The following SLC14A2 variants were observed in gnomAD, a reference collection of about 807,000 sequenced individuals.
SLC14A2 encodes the protein solute carrier family 14 member 2.
Under a neutral mutation model 104.6 loss-of-function variants are expected in SLC14A2, and 91 were observed. That is an observed-to-expected ratio of 0.87 (90% confidence interval 0.73 to 1.04). SLC14A2 has a LOEUF of 1.04. Among genes scored for constraint, SLC14A2 ranks in the 50% least tolerant of loss-of-function variants. The pLI, the probability that SLC14A2 is intolerant of heterozygous loss-of-function variation, is 0.00. For missense variants in SLC14A2, 1,189 were observed against 1,156.0 expected, an observed-to-expected ratio of 1.03 and a Z score of -0.41; for synonymous variants, 476 against 466.4, an observed-to-expected ratio of 1.02 and a Z score of -0.27.
chr18:45,284,536 C>G lies in SLC14A2; in HGVS notation c.-125+71345C>G, dbSNP rs1027158060. 2.0e-5 allele frequency among the ~76,000 whole-genome samples: 3 copies of G among 151,620 alleles called. 1 individual carries two copies. The highest frequency in any genetic ancestry group is 4.4e-5 in the Non-Finnish European group (3 of 68,022). The stretch of plus-strand genomic sequence containing the variant: ...TAAAGTGGCTGCTAGACCCTGGGCT[C>G]TAGTAGCTCTACCTCCTCCATTCAT... On this transcript the variant is annotated intron_variant, in intron 1 of 20. Transcript: ENST00000586448.
At chr18:45,232,207 T>A (rs1272458027) in intron 1 of SLC14A2, among the ~76,000 whole-genome samples, 2 of 152,132 alleles carry the variant, frequency 1.3e-5, no homozygotes, top group Non-Finnish European at 2.9e-5. Context: ...ACAGGAAGCA[T>A]GGCTGTGAGG....
At chr18:45,338,833 C>A (rs1364031127) in intron 1 of SLC14A2, among the ~76,000 whole-genome samples, 1 of 151,740 alleles carries the variant, frequency 6.6e-6, no homozygotes, top group Admixed American at 6.6e-5. Flanking sequence ...TGGCACAGTT[C>A]TGGTGACCTA....
At chr18:45,458,816 A>G (rs2144633655) in intron 1 of SLC14A2, among the ~76,000 whole-genome samples, 1 of 152,324 alleles carries the variant, frequency 6.6e-6, no homozygotes, top group East Asian at 1.9e-4. Context: ...GGGTAGAGTC[A>G]CATGTCAACA....
At chr18:45,478,961 A>G (rs1598886684) in intron 1 of SLC14A2, among the ~76,000 whole-genome samples, 1 of 152,322 alleles carries the variant, frequency 6.6e-6, no homozygotes, top group East Asian at 1.9e-4. Flanking sequence ...ACCTTAGACC[A>G]GTTGACCCCC....
chr18:45,194,592 G>A, the SLC14A2 span, among the ~76,000 whole-genome samples: 2 of 150,792 alleles, frequency 1.3e-5, no homozygotes, highest in East Asian at 1.9e-4. Context: ...GATCTAATTT[G>A]GCAAATTTGT....
chr18:45,268,964 T>TTGTGTGTGTGTGTGTG (rs3050837), intron 1 of SLC14A2, among the ~76,000 whole-genome samples: 12,290 of 143,394 alleles, frequency 0.086, 609 homozygotes, highest in Non-Finnish European at 0.11. Context: ...GTTGGTGTGT[T>TTGTGTGTGTGTGTGTG]TGTGTGTGTG....
Position 45,533,884 on chromosome 18 carries a change from T to C in SLC14A2, c.-35+50562T>C, listed in dbSNP as rs572401637. Among the ~76,000 whole-genome samples the C allele has an allele frequency of 1.6e-4, 24 of 152,348 alleles. No individual in the cohort carries two copies. In the South Asian group the frequency reaches 4.3e-3, roughly 28 times the overall value. ...CACTGCTTTGAATGTGTCCCAGAGA[T>C]TCTGGTATCACCTTTTCTAATGACT... On this transcript the variant is annotated intron_variant, in intron 2 of 20. Transcript: ENST00000586448.
At chr18:45,425,353 G>T (rs1449734301) in intron 1 of SLC14A2, among the ~76,000 whole-genome samples, 1 of 152,186 alleles carries the variant, frequency 6.6e-6, no homozygotes, top group Non-Finnish European at 1.5e-5. Context: ...CCAGTCCCAG[G>T]CTTTGGTTTT....
intron 1 of SLC14A2, among the ~76,000 whole-genome samples, chr18:45,417,345 T>C (rs1451530046): frequency 6.6e-6 from 1 of 152,214 alleles, no homozygotes; most frequent in African/African-American, 2.4e-5. Flanking sequence ...TATTTGTCCA[T>C]TCTCACGCTG....
At chr18:45,268,077 A>G (rs1179862245) in intron 1 of SLC14A2, among the ~76,000 whole-genome samples, 2 of 152,266 alleles carry the variant, frequency 1.3e-5, no homozygotes, top group South Asian at 2.1e-4. Flanking sequence ...CATTTGTTTC[A>G]TGCCCATTAA....
chr18:45,319,603 G>A (rs1422118759), intron 1 of SLC14A2, among the ~76,000 whole-genome samples: 1 of 152,192 alleles, frequency 6.6e-6, no homozygotes, highest in Admixed American at 6.5e-5. Flanking sequence ...AATAAATACT[G>A]TTGAGTGAAT....
At chr18:45,411,473 T>C (rs1218913181) in intron 1 of SLC14A2, among the ~76,000 whole-genome samples, 4 of 152,190 alleles carry the variant, frequency 2.6e-5, no homozygotes, top group African/African-American at 9.7e-5. Flanking sequence ...TTTTTCACCT[T>C]TGTGAGCACA....
intron 1 of SLC14A2, among the ~76,000 whole-genome samples, chr18:45,250,751 C>CTGATTTTTTTTTTTTTT (rs1165070845): frequency 8.8e-6 from 1 of 113,906 alleles, no homozygotes; most frequent in Non-Finnish European, 1.7e-5. Context: ...CTAGTGGCTT[C>CTGATTTTTTTTTTTTTT]TTCCTTTTTT....
chr18:45,584,290 T>C (rs1341528472), intron 2 of SLC14A2, among the ~76,000 whole-genome samples: 1 of 152,192 alleles, frequency 6.6e-6, no homozygotes, highest in East Asian at 1.9e-4. Flanking sequence ...CTAGACTAAT[T>C]TAGGAGGATC....
At chr18:45,234,620 C>G (rs1406725543) in intron 1 of SLC14A2, among the ~76,000 whole-genome samples, 4 of 152,170 alleles carry the variant, frequency 2.6e-5, no homozygotes, top group African/African-American at 4.8e-5. Flanking sequence ...CTTCTGTTTT[C>G]ACTTCAGTCA....
chr18:45,463,409 G>T (rs1598857981), intron 1 of SLC14A2, among the ~76,000 whole-genome samples: 1 of 152,298 alleles, frequency 6.6e-6, no homozygotes, highest in East Asian at 1.9e-4. Context: ...GTGATGGTGA[G>T]GATTAAGGGA....
At chr18:45,189,663 G>A in the SLC14A2 span, among the ~76,000 whole-genome samples, 8 of 152,262 alleles carry the variant, frequency 5.3e-5, no homozygotes, top group South Asian at 6.2e-4. Context: ...CATGATAATC[G>A]TGTATGTTTC....
At chr18:45,280,183 G>A (rs905883422) in intron 1 of SLC14A2, among the ~76,000 whole-genome samples, 3 of 152,186 alleles carry the variant, frequency 2.0e-5, no homozygotes, top group East Asian at 1.9e-4. Context: ...GCAGAGGTAA[G>A]ATTTGAAAGG....
At chr18:45,196,701 T>C in the SLC14A2 span, among the ~76,000 whole-genome samples, 1 of 152,202 alleles carries the variant, frequency 6.6e-6, no homozygotes, top group South Asian at 2.1e-4. Context: ...AGAGTGAATT[T>C]TGTGTCTTCC....
Sources: allele counts gnomAD v4.1 joint callset (sites outside exome capture counted in the v4.1 genomes callset), GRCh38; gene constraint gnomAD v4.1.1; transcripts MANE v1.5; gene names NCBI Gene and HGNC (gene_info 2026-07-23, HGNC 2026-07-21).